The following MYH14 variants were observed in gnomAD, a reference collection of about 807,000 sequenced individuals.
MYH14 encodes myosin heavy chain 14, also known as myosin-14.
A neutral mutation model predicts 255.5 loss-of-function variants in MYH14; 123 were observed. That is an observed-to-expected ratio of 0.48 (90% CI 0.42 to 0.56). The LOEUF is 0.56. MYH14 is among the 20% of genes least tolerant of loss of function. MYH14 has a pLI of 0.00. For missense variants in MYH14, 2,423 were observed against 2,802.3 expected, an observed-to-expected ratio of 0.86 and a Z score of 3.06; for synonymous variants, 1,095 against 1,161.2, an observed-to-expected ratio of 0.94 and a Z score of 1.16.
At chr19:50,216,801 C>CTT (rs200626930) in intron 2 of MYH14, among the ~76,000 whole-genome samples, 1,699 of 112,602 alleles carry the variant, frequency 0.015, 81 homozygotes, top group African/African-American at 0.058. Context: ...TCCATCCTTT[C>CTT]TTTTTTTTTT....
At position 50,230,714 on chromosome 19, in the gene MYH14, G is replaced by C; in HGVS notation, c.973+91G>C. 2.8e-6 allele frequency: 3 copies of C among 1,090,634 alleles called. No individual in the cohort carries two copies. The highest frequency in any genetic ancestry group is 4.0e-6 in the Non-Finnish European group (3 of 745,848). The allele number at this position is 1,090,634 out of a possible 1,614,324, so 67.6% of individuals were successfully genotyped here. On this transcript the variant is annotated intron_variant, in intron 9 of 42. Transcript: ENST00000642316. This position sits in a 1 kb window ranked among gnomAD's most constrained non-coding sequence, Gnocchi z 4.7. ...CCTTCTGGGGAGGAAGCAAGAGTGG[G>C]GGGCTCTAATATCCGTCAAACACCG... is the stretch of plus-strand genomic sequence containing the variant.
intron 10 of MYH14, among the ~76,000 whole-genome samples, chr19:50,237,929 G>A (rs1172062922): frequency 3.2e-5 from 3 of 92,796 alleles, no homozygotes; most frequent in African/African-American, 9.2e-5. Context: ...TCAAGAGGAG[G>A]AGGCAAAGCC....
chr19:50,272,408 C>T, intron 26 of MYH14, 152 bp from the exon 27 acceptor site: 1 of 832,560 alleles, frequency 1.2e-6, no homozygotes. Context: ...GGAAGAGTCC[C>T]TGAGATAGAT....
Position 50,230,735 on chromosome 19 carries a change from C to A in MYH14, c.973+112C>A. 1 of 874,948 alleles carries A rather than the reference C, an allele frequency of 1.1e-6. No homozygotes were observed. Among genetic ancestry groups the A allele is most frequent in the Non-Finnish European group, 1.8e-6 (1 of 562,904 alleles). 54.2% of individuals were successfully genotyped at this position (874,948 alleles called of 1,614,324 possible). A position where few individuals can be genotyped will look rare whatever the true frequency, so the allele number is the denominator to read the frequency against. On this transcript the variant is annotated intron_variant, in intron 9 of 42. Transcript: ENST00000642316. This position sits in a 1 kb window ranked among gnomAD's most constrained non-coding sequence, Gnocchi z 4.7. The stretch of plus-strand genomic sequence containing the variant: ...GTGGGGGGCTCTAATATCCGTCAAA[C>A]ACCGACTTCGCATGAGGCTCCCGCA...
At chr19:50,303,795 T>C (rs984084636) in intron 40 of MYH14, among the ~76,000 whole-genome samples, 1 of 152,156 alleles carries the variant, frequency 6.6e-6, no homozygotes, top group African/African-American at 2.4e-5. Context: ...CCCACAGACA[T>C]CCATGTTCAG....
chr19:50,288,848 G>A (rs917802074), intron 34 of MYH14, among the ~76,000 whole-genome samples: 3 of 152,192 alleles, frequency 2.0e-5, no homozygotes, highest in African/African-American at 7.2e-5. Flanking sequence ...GGAGGTGACA[G>A]TTAAGTAAGG....
chr19:50,222,646 C>G (rs1278721471), intron 3 of MYH14, among the ~76,000 whole-genome samples: 1 of 152,050 alleles, frequency 6.6e-6, no homozygotes, highest in Non-Finnish European at 1.5e-5. Flanking sequence ...CCATGCCTGG[C>G]GCTCAGTAGG....
chr19:50,291,024 G>C lies in MYH14; in HGVS notation c.5103G>C (p.Ala1701=). 1 of 1,612,894 alleles carries C rather than the reference G, an allele frequency of 6.2e-7. No individual in the cohort carries two copies. The highest frequency in any genetic ancestry group is 8.5e-7 in the Non-Finnish European group (1 of 1,179,628). ...CTGCCGGCCAGGGCAAGGAGGAGGC[G>C]GTGAAGCAGCTTCGCAAGATGCAGG... ...MASAGQGKEE[A]VKQLRKMQAQ... Residue 1701 remains alanine, a synonymous_variant, in exon 36 of 43, where the codon GCG becomes GCC. Coordinates refer to ENST00000642316, the MANE Select transcript of MYH14 (RefSeq NM_001145809.2).
intron 1 of MYH14, among the ~76,000 whole-genome samples, chr19:50,207,253 G>GAA (rs1216705113): frequency 1.0e-4 from 13 of 128,968 alleles, no homozygotes; most frequent in East Asian, 3.7e-4. Flanking sequence ...GAGAGAGAGA[G>GAA]AGAAAGAGAG....
At chr19:50,213,500 C>G (rs1318042578) in intron 2 of MYH14, among the ~76,000 whole-genome samples, 3 of 152,122 alleles carry the variant, frequency 2.0e-5, no homozygotes, top group Non-Finnish European at 2.9e-5. Context: ...AGGGCCTGAG[C>G]TAAGGTGGTG....
intron 24 of MYH14, among the ~76,000 whole-genome samples, chr19:50,270,791 T>C (rs1476152223): frequency 2.0e-5 from 3 of 151,880 alleles, no homozygotes; most frequent in Non-Finnish European, 4.4e-5. Flanking sequence ...GCCTCCTGGG[T>C]TCACGCCATT....
chr19:50,224,941 C>T, intron 6 of MYH14: 1 of 418,628 alleles, frequency 2.4e-6, no homozygotes, highest in Non-Finnish European at 4.8e-6. Context: ...CCCATCTCTA[C>T]TAAAAATTTT....
Position 50,286,426 on chromosome 19 carries a change from G to T in MYH14, c.4540-56G>T. On this transcript the variant is annotated intron_variant, in intron 33 of 42. Transcript: ENST00000642316. ...GGCTGCTCCCTCTTCCCGTTCCCTT[G>T]TACACTCCTTTCAGCTAATCTATTT... 3 of 1,519,950 alleles carry T rather than the reference G, an allele frequency of 2.0e-6. No individual in the cohort carries two copies. The South Asian group carries it at 3.7e-5, about 19-fold the overall frequency. 94.2% of individuals were successfully genotyped at this position (1,519,950 alleles called of 1,614,324 possible). A position where few individuals can be genotyped will look rare whatever the true frequency, so the allele number is the denominator to read the frequency against.
At chr19:50,210,851 C>T (rs1465627573) in intron 2 of MYH14, 81 bp downstream of exon 2, 7 of 1,514,960 alleles carry the variant, frequency 4.6e-6, no homozygotes, top group African/African-American at 2.8e-5. Flanking sequence ...GGCTCCCCTG[C>T]ATTAACTTGA....
intron 34 of MYH14, among the ~76,000 whole-genome samples, chr19:50,289,163 A>C (rs1317682714): frequency 6.6e-6 from 1 of 152,180 alleles, no homozygotes; most frequent in African/African-American, 2.4e-5. Context: ...GAGTCAGCTG[A>C]CCTAACAGAC....
In MYH14 at chr19:50,254,584, C is replaced by T. The variant is rs376789786; in HGVS notation, c.1946-636C>T. Among the ~76,000 whole-genome samples the T allele has an allele frequency of 5.0e-4, 76 of 152,312 alleles. 1 individual carries two copies. In the South Asian group the frequency reaches 0.016, roughly 31 times the overall value. ...AAAGAAAAAGTGGAAGCTGCAAAAC[C>T]TCCTGGCTCAGCCTCCCGAGTAGCT... On this transcript the variant is annotated intron_variant, in intron 16 of 42. Transcript: ENST00000642316.
At chr19:50,259,096 C>T (rs764327522) in intron 18 of MYH14, 48 bp from the exon 19 acceptor site, 4 of 1,527,588 alleles carry the variant, frequency 2.6e-6, no homozygotes, top group South Asian at 1.2e-5. Flanking sequence ...CGTTTGGCGC[C>T]CCCGTGTGGC....
rs1012235962 is a variant in MYH14, at chr19:50,218,522, C to T, written c.562+751C>T. On this transcript the variant is annotated intron_variant, in intron 3 of 42. Coordinates refer to ENST00000642316, the MANE Select transcript of MYH14 (RefSeq NM_001145809.2). ...CTGAGGCAGGAGAATGGCGTGAACC[C>T]GGGAGGCGGAGCTTGCAGTGAGCCG... is the stretch of plus-strand genomic sequence containing the variant. Among the ~76,000 whole-genome samples the T allele has an allele frequency of 1.4e-4, 21 of 151,902 alleles. No individual in the cohort carries two copies. The East Asian group carries it at 2.0e-3, about 14-fold the overall frequency.
chr19:50,240,985 C>T (rs1167332067), intron 10 of MYH14, among the ~76,000 whole-genome samples: 1 of 151,840 alleles, frequency 6.6e-6, no homozygotes, highest in Non-Finnish European at 1.5e-5. Flanking sequence ...ATGAAGGGTA[C>T]CTGAAGTCAT....
Sources: allele counts gnomAD v4.1 joint callset (sites outside exome capture counted in the v4.1 genomes callset), GRCh38; gene constraint gnomAD v4.1.1; non-coding constraint Gnocchi (gnomAD v3.1); transcripts MANE v1.5; gene names NCBI Gene and HGNC (gene_info 2026-07-23, HGNC 2026-07-21).